Variants in ARHGAP44 observed in about 807,000 individuals in gnomAD.
The protein encoded by ARHGAP44 is rho GTPase-activating protein 44.
A neutral mutation model predicts 106.8 loss-of-function variants in ARHGAP44; 43 were observed. That is an observed-to-expected ratio of 0.40 (90% CI 0.32 to 0.52). The LOEUF is 0.52. Among genes scored for constraint, ARHGAP44 ranks in the 20% least tolerant of loss-of-function variants. The pLI, the probability that ARHGAP44 is intolerant of heterozygous loss-of-function variation, is 0.48. For synonymous variants in ARHGAP44, 439 were observed against 410.3 expected (o/e 1.07, Z -0.85); for missense variants, 866 against 1,050.5 (o/e 0.82, Z 2.43).
Position 12,919,757 on chromosome 17 carries a change from G to T in ARHGAP44, c.390G>T (p.Val130=), listed in dbSNP as rs1255440730. ...TCTTTTATGTTGTGTAACCACAGGT[G>T]GAAATCCCAAATATTCAAAAGCAGA... ...VIEPLFLLAE[V]EIPNIQKQRK... Residue 130 remains valine (V), a splice_region_variant and synonymous_variant, in exon 6 of 21, where the codon GTG becomes GTT. Transcript: ENST00000379672. 3.7e-6 allele frequency: 6 copies of T among 1,611,422 alleles called. No individual in the cohort carries two copies. The East Asian group carries it at 1.3e-4, about 36-fold the overall frequency.
At chr17:12,854,729 C>T (rs1161653931) in intron 1 of ARHGAP44, among the ~76,000 whole-genome samples, 4 of 152,056 alleles carry the variant, frequency 2.6e-5, no homozygotes, top group African/African-American at 4.8e-5. Context: ...AAGGCTGAGG[C>T]GGGCGGATCA....
intron 1 of ARHGAP44, among the ~76,000 whole-genome samples, chr17:12,890,320 C>G (rs1002302560): frequency 9.2e-5 from 14 of 152,118 alleles, no homozygotes; most frequent in African/African-American, 3.1e-4. Context: ...ACCCCTGTCT[C>G]CAAAAATGTA....
At chr17:12,854,608 T>C (rs2035852370) in intron 1 of ARHGAP44, among the ~76,000 whole-genome samples, 1 of 152,172 alleles carries the variant, frequency 6.6e-6, no homozygotes, top group Non-Finnish European at 1.5e-5. Context: ...ACATGCTCTA[T>C]GGAAGACATC....
Position 12,972,504 on chromosome 17 carries a change from T to C in ARHGAP44, c.1524-798T>C, listed in dbSNP as rs1011114562. On this transcript the variant is annotated intron_variant, in intron 16 of 20. Coordinates refer to ENST00000379672, the MANE Select transcript of ARHGAP44 (RefSeq NM_014859.6). ...CTCTACTAAAAATACAAAAATTAGCTGGGTGTGGTGGCGGGTGCCTGTAAT... is the reference window on the plus strand; with the variant it reads ...CTCTACTAAAAATACAAAAATTAGCCGGGTGTGGTGGCGGGTGCCTGTAAT... Among the ~76,000 whole-genome samples the C allele has an allele frequency of 4.0e-5, 6 of 151,330 alleles. No individual in the cohort carries two copies. In the South Asian group the frequency reaches 8.4e-4, roughly 21 times the overall value.
chr17:12,990,292 A>C lies in ARHGAP44; in HGVS notation c.*121A>C. 1.5e-6 allele frequency: 2 copies of C among 1,320,432 alleles called. No homozygotes were observed. The highest frequency in any genetic ancestry group is 2.0e-6 in the Non-Finnish European group (2 of 981,636). 81.8% of individuals were successfully genotyped at this position (1,320,432 alleles called of 1,614,324 possible). A position where few individuals can be genotyped will look rare whatever the true frequency, so the allele number is the denominator to read the frequency against. ...CTGGCTCTTTCCTGCCACTGCCAAC[A>C]CGAGGTTGGAATTTGGCAGAAAATT... On this transcript the variant is annotated 3_prime_UTR_variant, in exon 21 of 21. Coordinates refer to ENST00000379672, the MANE Select transcript of ARHGAP44 (RefSeq NM_014859.6).
chr17:12,843,440 T>A (rs917686986), intron 1 of ARHGAP44, among the ~76,000 whole-genome samples: 2 of 152,030 alleles, frequency 1.3e-5, no homozygotes, highest in Non-Finnish European at 2.9e-5. Context: ...TCTTTAAGCA[T>A]GGTTTTAGAC....
chr17:12,948,609 G>T (rs1022413392), intron 10 of ARHGAP44, among the ~76,000 whole-genome samples: 4 of 152,088 alleles, frequency 2.6e-5, no homozygotes, highest in Non-Finnish European at 4.4e-5. Flanking sequence ...GGCAGAGGTT[G>T]CACTGAGTCA....
chr17:12,957,641 C>A (rs541318835), intron 15 of ARHGAP44, among the ~76,000 whole-genome samples: 111 of 152,136 alleles, frequency 7.3e-4, no homozygotes, highest in African/African-American at 2.6e-3. Flanking sequence ...AGATAACTTC[C>A]TAAGAGGGAG....
intron 1 of ARHGAP44, among the ~76,000 whole-genome samples, chr17:12,873,955 G>A (rs8064278): frequency 1.1e-4 from 15 of 134,746 alleles, no homozygotes; most frequent in South Asian, 4.6e-4. Context: ...ATAAATAAAA[G>A]AAAGAAAGAA....
At chr17:12,814,880 C>T (rs556716633) in intron 1 of ARHGAP44, among the ~76,000 whole-genome samples, 2 of 152,208 alleles carry the variant, frequency 1.3e-5, no homozygotes, top group African/African-American at 2.4e-5. Flanking sequence ...AAAAACCCTC[C>T]TTTACTTTTC....
At chr17:12,910,127 C>G (rs1476458968) in intron 4 of ARHGAP44, among the ~76,000 whole-genome samples, 2 of 152,076 alleles carry the variant, frequency 1.3e-5, no homozygotes, top group African/African-American at 4.8e-5. Flanking sequence ...GAAGAAGATA[C>G]TACCTGCATA....
At chr17:12,919,439 G>T (rs962484300) in intron 5 of ARHGAP44, among the ~76,000 whole-genome samples, 5 of 150,634 alleles carry the variant, frequency 3.3e-5, no homozygotes, top group Non-Finnish European at 7.4e-5. Context: ...AGGCTGGAGT[G>T]GAGTGGTGTG....
chr17:12,869,124 C>G (rs1357607029), intron 1 of ARHGAP44, among the ~76,000 whole-genome samples: 1 of 151,974 alleles, frequency 6.6e-6, no homozygotes, highest in Non-Finnish European at 1.5e-5. Flanking sequence ...CGAAAATAAC[C>G]TTGGGAAAGA....
At position 12,908,990 on chromosome 17, in the gene ARHGAP44, C is replaced by G; in HGVS notation, c.275+17C>G. 6.4e-7 allele frequency: 1 copy of G among 1,572,014 alleles called. No homozygotes were observed. Among genetic ancestry groups the G allele is most frequent in the Non-Finnish European group, 8.6e-7 (1 of 1,165,100 alleles). ...ACTTCTTGGGTAAGGTGACACCTTGCGTGAGTTTGGTGCCAAATCTAAGTA... is the reference window on the plus strand; with the variant it reads ...ACTTCTTGGGTAAGGTGACACCTTGGGTGAGTTTGGTGCCAAATCTAAGTA... On this transcript the variant is annotated intron_variant, in intron 4 of 20. Coordinates refer to ENST00000379672, the MANE Select transcript of ARHGAP44 (RefSeq NM_014859.6).
intron 1 of ARHGAP44, among the ~76,000 whole-genome samples, chr17:12,871,967 A>C (rs1477156479): frequency 6.6e-6 from 1 of 152,158 alleles, no homozygotes; most frequent in Non-Finnish European, 1.5e-5. Context: ...TGAATTACCC[A>C]GTCTCAGGTA....
At chr17:12,841,577 G>GTCTGTC (rs369886457) in intron 1 of ARHGAP44, among the ~76,000 whole-genome samples, 1 of 120,244 alleles carries the variant, frequency 8.3e-6, no homozygotes, top group African/African-American at 4.2e-5. Flanking sequence ...GTGAGACCCT[G>GTCTGTC]TCTCTCTGTC....
At chr17:12,799,093 T>G (rs375517529) in intron 1 of ARHGAP44, among the ~76,000 whole-genome samples, 1 of 152,222 alleles carries the variant, frequency 6.6e-6, no homozygotes, top group East Asian at 1.9e-4. Context: ...GGTCAGTAAT[T>G]AGATTTAAGC....
chr17:12,815,193 G>A (rs2034562987), intron 1 of ARHGAP44, among the ~76,000 whole-genome samples: 1 of 151,926 alleles, frequency 6.6e-6, no homozygotes, highest in East Asian at 1.9e-4. Flanking sequence ...CTGGGATTTT[G>A]TAGAACAAAA....
intron 13 of ARHGAP44, 133 bp downstream of exon 13, chr17:12,952,714 C>A: frequency 4.4e-6 from 2 of 452,320 alleles, no homozygotes; most frequent in Admixed American, 4.0e-5. Context: ...TATTAACATG[C>A]ATGGTCTCTT....
Sources: allele counts gnomAD v4.1 joint callset (sites outside exome capture counted in the v4.1 genomes callset), GRCh38; gene constraint gnomAD v4.1.1; transcripts MANE v1.5; gene names NCBI Gene and HGNC (gene_info 2026-07-23, HGNC 2026-07-21).